The following ADD2 variants were observed in gnomAD, a reference collection of about 807,000 sequenced individuals.
ADD2 encodes adducin 2, also known as beta-adducin.
ADD2 carries 23 observed loss-of-function variants against 83.0 expected under a neutral mutation model. The ratio of observed to expected loss-of-function variants is 0.28; its 90% CI spans 0.20 to 0.39. ADD2 has a LOEUF of 0.39. Among genes scored for constraint, ADD2 ranks in the 10% least tolerant of loss-of-function variants. The pLI is 1.00. For missense variants in ADD2, 758 were observed against 944.9 expected, an observed-to-expected ratio of 0.80 and a Z score of 2.59; for synonymous variants, 375 against 375.4, an observed-to-expected ratio of 1.00 and a Z score of 0.01.
intron 1 of ADD2, among the ~76,000 whole-genome samples, chr2:70,753,922 G>T (rs1674643859): frequency 6.6e-6 from 1 of 152,096 alleles, no homozygotes; most frequent in African/African-American, 2.4e-5. Context: ...CATTATTCCT[G>T]TAAGCATTTT....
In ADD2 at chr2:70,660,840, G is replaced by A. The variant is rs1675515966; in HGVS notation, c.*2585C>T. 6.6e-6 allele frequency: 1 copy of A among 152,114 alleles called. No homozygotes were observed. Among genetic ancestry groups the A allele is most frequent in the African/African-American group, 2.4e-5 (1 of 41,400 alleles). The allele number at this position is 152,114 out of a possible 1,614,324, so 9.4% of individuals were successfully genotyped here. A position where few individuals can be genotyped will look rare whatever the true frequency, so the allele number is the denominator to read the frequency against. On this transcript the variant is annotated 3_prime_UTR_variant, in exon 16 of 16. Transcript: ENST00000264436. ...CCATTGCTTCTCTCAGGGTTTCTCT[G>A]GTCCCCAAGATAGTTAATTGATGCT... is the stretch of plus-strand genomic sequence containing the variant.
At chr2:70,675,890 C>T (rs1670112811) in intron 13 of ADD2, 3 of 985,212 alleles carry the variant, frequency 3.0e-6, no homozygotes, top group Non-Finnish European at 1.2e-6. Context: ...GTAATGAACT[C>T]TCACCTCCCG....
intron 1 of ADD2, among the ~76,000 whole-genome samples, chr2:70,758,679 A>T (rs1674926101): frequency 1.3e-5 from 2 of 152,022 alleles, no homozygotes; most frequent in South Asian, 4.2e-4. Flanking sequence ...CATACACTGT[A>T]CTCCCAGCTA....
intron 1 of ADD2, among the ~76,000 whole-genome samples, chr2:70,732,092 T>C (rs1673312269): frequency 6.6e-6 from 1 of 152,124 alleles, no homozygotes; most frequent in Non-Finnish European, 1.5e-5. Context: ...TCTCATTGAG[T>C]TGAGAGGATG....
intron 10 of ADD2, among the ~76,000 whole-genome samples, chr2:70,682,179 A>T (rs1670488184): frequency 6.6e-6 from 1 of 152,210 alleles, no homozygotes; most frequent in Non-Finnish European, 1.5e-5. Flanking sequence ...GCTAGTTTTC[A>T]TGTAGCATTT....
rs1405052054 is a variant in ADD2 at position 70,688,054 on chromosome 2, G to T, written c.918C>A (p.Ile306=). The T allele has an allele frequency of 3.1e-6, 5 of 1,614,066 alleles. No homozygotes were observed. The African/African-American group carries it at 5.3e-5, about 17-fold the overall frequency. The change falls in exon 9 of 16, where the codon ATC becomes ATA. Residue 306 remains isoleucine, a synonymous_variant. Coordinates refer to ENST00000264436, the MANE Select transcript of ADD2 (RefSeq NM_001617.4). ...GDTVEEAFYK[I]FHLQAACEIQ... ...TCTCACATGCAGCCTGCAGGTGGAAGATCTTGTAAAATGCCTCCTCTACCG... is the reference window on the plus strand; with the variant it reads ...TCTCACATGCAGCCTGCAGGTGGAATATCTTGTAAAATGCCTCCTCTACCG...
At position 70,663,146 on chromosome 2, in the gene ADD2, T is replaced by G; in HGVS notation, c.*279A>C. ...ACAAAGGCAGCCCACAACTAGGCAG[T>G]GTTGTGTAGTAGAAGGAGCACTGGA... On this transcript the variant is annotated 3_prime_UTR_variant, in exon 16 of 16. Transcript: ENST00000264436. The G allele has an allele frequency of 2.6e-6, 1 of 386,956 alleles. No homozygotes were observed. Among genetic ancestry groups the G allele is most frequent in the Non-Finnish European group, 4.7e-6 (1 of 212,098 alleles). The allele number at this position is 386,956 out of a possible 1,614,324, so 24.0% of individuals were successfully genotyped here. A position where few individuals can be genotyped will look rare whatever the true frequency, so the allele number is the denominator to read the frequency against.
intron 1 of ADD2, among the ~76,000 whole-genome samples, chr2:70,735,150 AATG>A (rs2104479211): frequency 6.6e-6 from 1 of 152,272 alleles, no homozygotes; most frequent in South Asian, 2.1e-4. Flanking sequence ...TATTATTATT[AATG>A]ATGATGGTGA....
Position 70,768,039 on chromosome 2 carries a change from C to A in ADD2, c.-307G>T. On this transcript the variant is annotated 5_prime_UTR_variant, in exon 1 of 16. Transcript: ENST00000264436. The stretch of plus-strand genomic sequence containing the variant: ...ATGCTGCAGCCCGCGCTCGTCAGAG[C>A]TGCTGGGAGATCCCCCAGCAGTGCA... 1 of 1,452,266 alleles carries A rather than the reference C, an allele frequency of 6.9e-7. No homozygotes were observed. The allele number at this position is 1,452,266 out of a possible 1,614,324, so 90.0% of individuals were successfully genotyped here.
chr2:70,658,352 T>C lies in ADD2; in HGVS notation c.*5073A>G, dbSNP rs564145988. 6.6e-6 allele frequency: 1 copy of C among 152,212 alleles called. No homozygotes were observed. The highest frequency in any genetic ancestry group is 1.5e-5 in the Non-Finnish European group (1 of 68,032). The allele number at this position is 152,212 out of a possible 1,614,324, so 9.4% of individuals were successfully genotyped here. ...GAAAGTGTGCCACATCTGAATAGGT[T>C]GGTTAGACGGGGCTTCTGGAAGTAA... is the stretch of plus-strand genomic sequence containing the variant. On this transcript the variant is annotated 3_prime_UTR_variant, in exon 16 of 16. Coordinates refer to ENST00000264436, the MANE Select transcript of ADD2 (RefSeq NM_001617.4).
At chr2:70,673,307 C>T in intron 14 of ADD2, 1 of 1,614,114 alleles carries the variant, frequency 6.2e-7, no homozygotes, top group Non-Finnish European at 8.5e-7. Flanking sequence ...CAGAGCCTGG[C>T]TCTCGTTCCT....
At chr2:70,680,879 A>C (rs1670419353) in intron 10 of ADD2, among the ~76,000 whole-genome samples, 1 of 152,174 alleles carries the variant, frequency 6.6e-6, no homozygotes, top group Non-Finnish European at 1.5e-5. Flanking sequence ...ACAGTACTCT[A>C]TCTTGCTTCT....
At chr2:70,752,778 A>G (rs982547654) in intron 1 of ADD2, among the ~76,000 whole-genome samples, 8 of 152,242 alleles carry the variant, frequency 5.3e-5, no homozygotes. Flanking sequence ...AGTTGGATAT[A>G]CAGGTTTTCA....
chr2:70,715,976 G>T (rs1672444716), intron 1 of ADD2, among the ~76,000 whole-genome samples: 1 of 152,076 alleles, frequency 6.6e-6, no homozygotes, highest in Admixed American at 6.5e-5. Context: ...GCCTGTCACT[G>T]CCCTGCTAAA....
At position 70,767,930 on chromosome 2, in the gene ADD2, TG is replaced by T; in HGVS notation, c.-199del. On this transcript the variant is annotated 5_prime_UTR_variant, in exon 1 of 16. Transcript: ENST00000264436. ...CTATCTCCGGTCGGCCACTGCGGGT[TG>T]GTTTTGTTATTTTATGGGTTTGGGG... The T allele has an allele frequency of 6.5e-7, 1 of 1,535,854 alleles. No individual in the cohort carries two copies. Among genetic ancestry groups the T allele is most frequent in the Non-Finnish European group, 8.7e-7 (1 of 1,146,780 alleles).
At chr2:70,763,578 C>T (rs1488972079) in intron 1 of ADD2, among the ~76,000 whole-genome samples, 1 of 151,906 alleles carries the variant, frequency 6.6e-6, no homozygotes, top group African/African-American at 2.4e-5. Flanking sequence ...TTCTAAACAC[C>T]TATGCTTTAC....
intron 1 of ADD2, among the ~76,000 whole-genome samples, chr2:70,749,796 G>A (rs1204743983): frequency 6.6e-6 from 1 of 152,244 alleles, no homozygotes; most frequent in Non-Finnish European, 1.5e-5. Flanking sequence ...GCATGGCAGA[G>A]CAGGCAGACA....
chr2:70,716,829 C>G (rs1474660078), intron 1 of ADD2, among the ~76,000 whole-genome samples: 1 of 152,170 alleles, frequency 6.6e-6, no homozygotes, highest in African/African-American at 2.4e-5. Context: ...CACCTCTTGT[C>G]TTGGTATATA....
At chr2:70,677,087 C>T (rs1006629567) in intron 12 of ADD2, among the ~76,000 whole-genome samples, 2 of 152,052 alleles carry the variant, frequency 1.3e-5, no homozygotes, top group Non-Finnish European at 2.9e-5. Context: ...ATGTAAAGCA[C>T]CAGATTTTCA....
Sources: gnomAD v4.1 joint callset for allele counts (sites outside exome capture counted in the v4.1 genomes callset) on GRCh38, gnomAD v4.1.1 for gene constraint, MANE v1.5 for transcripts, NCBI Gene and HGNC (gene_info 2026-07-23, HGNC 2026-07-21) for gene names.